NDP: variants seen among roughly 807,000 people sequenced by gnomAD.
NDP encodes norrin cystine knot growth factor NDP.
NDP carries 2 observed loss-of-function variants against 8.4 expected under a neutral mutation model. That is an observed-to-expected ratio of 0.24 (90% CI 0.10 to 0.75). The LOEUF (loss-of-function observed/expected upper bound fraction) is 0.75, where lower values mean the gene tolerates loss of function less well. Among genes scored for constraint, NDP ranks in the 30% least tolerant of loss-of-function variants. The probability of loss-of-function intolerance (pLI) is 0.73; values close to 1 mark genes in which losing one functional copy is unlikely to be tolerated. For synonymous variants in NDP, 55 were observed against 45.6 expected (o/e 1.21, Z -0.83); for missense variants, 81 against 110.1 (o/e 0.74, Z 1.18).
chrX:43,963,759 G>A (rs777137548), intron 1 of NDP, among the ~76,000 whole-genome samples: 33 of 112,603 alleles, frequency 2.9e-4, no homozygotes, highest in Non-Finnish European at 4.1e-4. Context: ...ATGCCTTGGA[G>A]AATAAGTCAA....
chrX:43,968,215 T>C (rs1354935706), intron 1 of NDP, among the ~76,000 whole-genome samples: 1 of 111,686 alleles, frequency 9.0e-6, no homozygotes, highest in African/African-American at 3.3e-5. Flanking sequence ...CTGTTGAAAA[T>C]GGGTCTGGGG....
At chrX:43,972,221 A>G (rs745931900) in intron 1 of NDP, among the ~76,000 whole-genome samples, 1 of 111,801 alleles carries the variant, frequency 8.9e-6, no homozygotes, top group African/African-American at 3.3e-5. Flanking sequence ...CCATCTTGCC[A>G]AATAGCTTCC....
chrX:43,967,731 G>C (rs188912024), intron 1 of NDP, among the ~76,000 whole-genome samples: 1 of 111,259 alleles, frequency 9.0e-6, no homozygotes, highest in East Asian at 2.8e-4. Flanking sequence ...AGGACTCCAC[G>C]TTTAGGGCTG....
intron 1 of NDP, among the ~76,000 whole-genome samples, chrX:43,972,222 A>G (rs5906323): frequency 0.33 from 36,825 of 110,577 alleles, 4,766 homozygotes; most frequent in African/African-American, 0.45. Context: ...CATCTTGCCA[A>G]ATAGCTTCCT....
rs750826478 is a variant in NDP at position 43,958,649 on chromosome X, T to C, written c.-4A>G. 9 of 1,208,891 alleles carry C rather than the reference T, an allele frequency of 7.4e-6. No homozygotes were observed. The Admixed American group carries it at 2.0e-4, about 26-fold the overall frequency. On this transcript the variant is annotated 5_prime_UTR_variant, in exon 2 of 3. Coordinates refer to ENST00000642620, the MANE Select transcript of NDP (RefSeq NM_000266.4). ...CAGCTAGTACATGTTTTCTCATTGTTGTAAGGAAAAACTTCTCTAGAAGAA... is the reference window on the plus strand; with the variant it reads ...CAGCTAGTACATGTTTTCTCATTGTCGTAAGGAAAAACTTCTCTAGAAGAA...
chrX:43,964,722 C>G (rs187889240), intron 1 of NDP, among the ~76,000 whole-genome samples: 1 of 112,070 alleles, frequency 8.9e-6, no homozygotes, highest in East Asian at 2.8e-4. Context: ...GTCCTACCCT[C>G]CCATCATTGG....
intron 2 of NDP, among the ~76,000 whole-genome samples, chrX:43,957,456 G>A (rs35340987): frequency 0.17 from 18,876 of 109,628 alleles, 1,584 homozygotes; most frequent in Middle Eastern, 0.26. Flanking sequence ...GATTTAACTC[G>A]AATTCTGATC....
chrX:43,951,415 A>AAAAAG (rs1426435890), intron 2 of NDP, among the ~76,000 whole-genome samples: 4 of 111,169 alleles, frequency 3.6e-5, no homozygotes, highest in Non-Finnish European at 5.7e-5. Context: ...GCCCTGTCTC[A>AAAAAG]AAAAGAAAAG....
At chrX:43,950,437 G>T in intron 2 of NDP, among the ~76,000 whole-genome samples, 1 of 37,984 alleles carries the variant, frequency 2.6e-5, no homozygotes, top group African/African-American at 1.0e-4. Context: ...TTGAAACCAA[G>T]AAGTAAATTA....
chrX:43,961,211 A>T (rs2035824483), intron 1 of NDP, among the ~76,000 whole-genome samples: 1 of 112,744 alleles, frequency 8.9e-6, no homozygotes, highest in Non-Finnish European at 1.9e-5. Flanking sequence ...TCCATTTTGG[A>T]GAAAGTTCAG....
chrX:43,961,155 C>G (rs1466170240), intron 1 of NDP, among the ~76,000 whole-genome samples: 1 of 112,456 alleles, frequency 8.9e-6, no homozygotes, highest in Admixed American at 9.4e-5. Flanking sequence ...ACAAAGATTC[C>G]GAAGTCTGAT....
intron 1 of NDP, among the ~76,000 whole-genome samples, 158 bp from the exon 2 acceptor site, chrX:43,959,010 A>G (rs1480150819): frequency 1.8e-5 from 2 of 111,685 alleles, no homozygotes; most frequent in East Asian, 2.8e-4. Context: ...TTCCACCCCA[A>G]CTCCCATAGC....
At chrX:43,963,961 C>T (rs756720686) in intron 1 of NDP, among the ~76,000 whole-genome samples, 6 of 112,378 alleles carry the variant, frequency 5.3e-5, no homozygotes, top group Non-Finnish European at 9.4e-5. Flanking sequence ...CTCCAGCCTG[C>T]CAACTCCAGG....
At chrX:43,959,926 T>G (rs2035817132) in intron 1 of NDP, among the ~76,000 whole-genome samples, 1 of 112,535 alleles carries the variant, frequency 8.9e-6, no homozygotes, top group Non-Finnish European at 1.9e-5. Flanking sequence ...AACTTCCTAC[T>G]CATGAACAGT....
At chrX:43,958,077 T>G (rs2035805628) in intron 2 of NDP, among the ~76,000 whole-genome samples, 1 of 111,334 alleles carries the variant, frequency 9.0e-6, no homozygotes, top group Admixed American at 9.6e-5. Context: ...AGAATCTCTT[T>G]AAAGAGCCCT....
chrX:43,954,193 C>T (rs920644490), intron 2 of NDP, among the ~76,000 whole-genome samples: 12 of 111,880 alleles, frequency 1.1e-4, no homozygotes, highest in Non-Finnish European at 2.1e-4. Flanking sequence ...GCTTCTTCTC[C>T]CATTCTTTCC....
In NDP at chrX:43,949,780, CCA is replaced by C. The variant is rs1335030591; in HGVS notation, c.*17_*18del. ...CCTCTACAGTTGTCCCATCCAGAAG[CCA>C]CACACAGCAGCGGGCCTCAGGAATT... On this transcript the variant is annotated 3_prime_UTR_variant, in exon 3 of 3. Coordinates refer to ENST00000642620, the MANE Select transcript of NDP (RefSeq NM_000266.4). 1 of 1,160,613 alleles carries C rather than the reference CCA, an allele frequency of 8.6e-7. No individual in the cohort carries two copies. The highest frequency in any genetic ancestry group is 1.9e-5 in the South Asian group (1 of 52,600).
chrX:43,954,388 C>A, intron 2 of NDP: 1 of 113,268 alleles, frequency 8.8e-6, no homozygotes, highest in Non-Finnish European at 1.9e-5. Context: ...CCCTTCACTC[C>A]GGTCATGAAT....
intron 1 of NDP, chrX:43,969,342 T>C (rs1430122534): frequency 1.8e-5 from 2 of 111,263 alleles, no homozygotes; most frequent in African/African-American, 3.3e-5. Flanking sequence ...GAGGGAGGGA[T>C]GTGGGAAGGA....
Sources: gnomAD v4.1 joint callset for allele counts (sites outside exome capture counted in the v4.1 genomes callset) on GRCh38, gnomAD v4.1.1 for gene constraint, MANE v1.5 for transcripts, NCBI Gene and HGNC (gene_info 2026-07-23, HGNC 2026-07-21) for gene names.